Variants in ZNF385B observed in about 807,000 individuals in gnomAD.
ZNF385B encodes the protein zinc finger protein 533.
A neutral mutation model predicts 39.2 loss-of-function variants in ZNF385B; 23 were observed. The observed-to-expected ratio is 0.59, with a 90% confidence interval of 0.42 to 0.83. ZNF385B has a LOEUF of 0.83. Among genes scored for constraint, ZNF385B ranks in the 40% least tolerant of loss-of-function variants. The pLI is 0.00. For missense variants in ZNF385B, 552 were observed against 598.9 expected (o/e 0.92, Z 0.82); for synonymous variants, 205 against 222.6 (o/e 0.92, Z 0.70).
chr2:179,468,212 C>T (rs1435501408), intron 6 of ZNF385B, among the ~76,000 whole-genome samples: 1 of 152,232 alleles, frequency 6.6e-6, no homozygotes, highest in South Asian at 2.1e-4. Flanking sequence ...TATCAGTGAA[C>T]TGGCACCGAT....
intron 6 of ZNF385B, among the ~76,000 whole-genome samples, chr2:179,454,418 T>G (rs1290467987): frequency 6.6e-6 from 1 of 152,216 alleles, no homozygotes. Flanking sequence ...ATATAATACT[T>G]GATAATAATA....
chr2:179,606,964 G>A (rs113303440), intron 3 of ZNF385B, among the ~76,000 whole-genome samples: 9 of 152,192 alleles, frequency 5.9e-5, no homozygotes, highest in Non-Finnish European at 1.0e-4. Context: ...TCTTGGACTT[G>A]CCCCACTCTG....
At chr2:179,775,024 A>T (rs1161226433) in intron 1 of ZNF385B, among the ~76,000 whole-genome samples, 2 of 152,222 alleles carry the variant, frequency 1.3e-5, no homozygotes, top group African/African-American at 4.8e-5. Context: ...CTTTTTACCC[A>T]TTTAACTATG....
chr2:179,775,753 G>A (rs1704275230), intron 1 of ZNF385B, among the ~76,000 whole-genome samples: 1 of 152,158 alleles, frequency 6.6e-6, no homozygotes, highest in South Asian at 2.1e-4. Context: ...ATTATGTGAA[G>A]GTAAAGCATA....
At chr2:179,520,673 C>A (rs774962713) in intron 4 of ZNF385B, among the ~76,000 whole-genome samples, 9 of 152,080 alleles carry the variant, frequency 5.9e-5, no homozygotes, top group Admixed American at 2.0e-4. Context: ...CACTGTTTTG[C>A]AAAGTTAAAA....
At chr2:179,549,962 T>C (rs2060467324) in intron 3 of ZNF385B, among the ~76,000 whole-genome samples, 1 of 149,322 alleles carries the variant, frequency 6.7e-6, no homozygotes, top group South Asian at 2.1e-4. Flanking sequence ...AATTACACAT[T>C]ACTCTTCAAA....
Position 179,493,599 on chromosome 2 carries a change from ATACATATATGTACG to A in ZNF385B, c.553-10179_553-10166del, listed in dbSNP as rs146748885. Among the ~76,000 whole-genome samples, 62 of 121,186 alleles carry A rather than the reference ATACATATATGTACG, an allele frequency of 5.1e-4. 1 individual carries two copies. The East Asian group carries it at 5.3e-3, about 10-fold the overall frequency. 79.5% of individuals were successfully genotyped at this position (121,186 alleles called of 152,430 possible). ...TATGTGTATGTGTACATATATGCGT[ATACATATATGTACG>A]TACATATATGTATACGCATATGTAT... On this transcript the variant is annotated intron_variant, in intron 5 of 9. Transcript: ENST00000410066.
At chr2:179,559,647 T>TTA in intron 3 of ZNF385B, among the ~76,000 whole-genome samples, 3 of 152,270 alleles carry the variant, frequency 2.0e-5, no homozygotes, top group African/African-American at 7.2e-5. Flanking sequence ...GTCGGGTTTT[T>TTA]TTTAATATCA....
intron 9 of ZNF385B, among the ~76,000 whole-genome samples, chr2:179,444,112 C>T (rs2049229716): frequency 6.6e-6 from 1 of 152,220 alleles, no homozygotes; most frequent in Non-Finnish European, 1.5e-5. Flanking sequence ...CTTAATTTCT[C>T]TCTCTTGCAA....
rs200577724 is a variant in ZNF385B at position 179,446,638 on chromosome 2, C to T, written c.848G>A (p.Gly283Glu). ...TGATTCAACAACAGTACCGGGAGCT[C>T]CATTTGTGCTCTTGGAGGGAGAAGT... ...AATSPSKSTN[G>E]APGTVVESEE... Residue 283 changes from glycine to glutamate, a missense_variant, in exon 7 of 10, where the codon GGA (glycine) becomes GAA (glutamate). Coordinates refer to ENST00000410066, the MANE Select transcript of ZNF385B (RefSeq NM_152520.6). 22 of 1,614,016 alleles carry T rather than the reference C, an allele frequency of 1.4e-5. No homozygotes were observed. The Admixed American group carries it at 1.8e-4, about 13-fold the overall frequency.
chr2:179,449,855 C>T (rs1197233303), intron 6 of ZNF385B, among the ~76,000 whole-genome samples: 1 of 151,142 alleles, frequency 6.6e-6, no homozygotes, highest in Non-Finnish European at 1.5e-5. Flanking sequence ...CAAACTATAC[C>T]ACAAGGCTAC....
chr2:179,839,016 G>T (rs984779633), intron 1 of ZNF385B, among the ~76,000 whole-genome samples: 4 of 151,402 alleles, frequency 2.6e-5, no homozygotes, highest in South Asian at 2.1e-4. Flanking sequence ...GAAAAACAAA[G>T]AATCCTATAA....
chr2:179,670,519 C>T lies in ZNF385B; in HGVS notation c.298+98984G>A, dbSNP rs150573041. 6.8e-3 allele frequency among the ~76,000 whole-genome samples: 998 copies of T among 146,292 alleles called. 9 individuals carry two copies. Among genetic ancestry groups the T allele is most frequent in the African/African-American group, 0.024 (939 of 39,348 alleles). On this transcript the variant is annotated intron_variant, in intron 3 of 9. Transcript: ENST00000410066. ...CAAAAAAAAATAGGAACTAATAGGTCTTGAAAATTTGTTACTCACTTTGAA... is the reference window on the plus strand; with the variant it reads ...CAAAAAAAAATAGGAACTAATAGGTTTTGAAAATTTGTTACTCACTTTGAA...
intron 3 of ZNF385B, among the ~76,000 whole-genome samples, chr2:179,752,645 T>C (rs762479635): frequency 6.6e-6 from 1 of 152,204 alleles, no homozygotes; most frequent in Non-Finnish European, 1.5e-5. Flanking sequence ...TGTGAGATGG[T>C]ATCTCATTGT....
chr2:179,698,411 T>C (rs550917651), intron 3 of ZNF385B, among the ~76,000 whole-genome samples: 1 of 152,346 alleles, frequency 6.6e-6, no homozygotes, highest in Admixed American at 6.5e-5. Flanking sequence ...AAGGCAATTA[T>C]TATTTATCCA....
intron 6 of ZNF385B, 52 bp from the exon 7 acceptor site, chr2:179,446,822 AAGAT>A: frequency 1.3e-6 from 2 of 1,528,968 alleles, no homozygotes; most frequent in Non-Finnish European, 1.8e-6. Flanking sequence ...CATATAAACA[AAGAT>A]AAATCACCAT....
chr2:179,537,020 G>T (rs1342249305), intron 4 of ZNF385B, among the ~76,000 whole-genome samples: 1 of 152,090 alleles, frequency 6.6e-6, no homozygotes, highest in Non-Finnish European at 1.5e-5. Context: ...GTTTGAAAGG[G>T]TGAGGGACGG....
chr2:179,676,446 G>A (rs1038087075), intron 3 of ZNF385B, among the ~76,000 whole-genome samples: 5 of 152,010 alleles, frequency 3.3e-5, no homozygotes, highest in East Asian at 1.9e-4. Flanking sequence ...GGATGGTCTC[G>A]ATCTCCTGAC....
At chr2:179,631,046 G>C (rs960950635) in intron 3 of ZNF385B, among the ~76,000 whole-genome samples, 2 of 152,176 alleles carry the variant, frequency 1.3e-5, no homozygotes, top group Non-Finnish European at 2.9e-5. Flanking sequence ...ACGTTTGATT[G>C]GTGTACCTAA....
Sources: gnomAD v4.1 joint callset for allele counts (sites outside exome capture counted in the v4.1 genomes callset) on GRCh38, gnomAD v4.1.1 for gene constraint, MANE v1.5 for transcripts, NCBI Gene and HGNC (gene_info 2026-07-23, HGNC 2026-07-21) for gene names.